C8orf74: variants seen among roughly 807,000 people sequenced by gnomAD.
C8orf74 encodes the protein uncharacterized protein C8orf74.
C8orf74 carries 29 observed loss-of-function variants against 22.2 expected under a neutral mutation model. The ratio of observed to expected loss-of-function variants is 1.31; its 90% CI spans 0.97 to 1.78. The LOEUF is 1.78. Ranked by LOEUF, C8orf74 falls within the 40% of genes most tolerant of loss-of-function variation. The pLI is 0.00. For synonymous variants in C8orf74, 255 were observed against 163.1 expected, an observed-to-expected ratio of 1.56 and a Z score of -4.30; for missense variants, 515 against 369.9, an observed-to-expected ratio of 1.39 and a Z score of -3.22.
At chr8:10,690,318 T>G (rs1799349013) in intron 2 of C8orf74, among the ~76,000 whole-genome samples, 1 of 152,102 alleles carries the variant, frequency 6.6e-6, no homozygotes, top group Non-Finnish European at 1.5e-5. Context: ...GGGTGCTCCC[T>G]AACTGAGGGG....
At chr8:10,679,252 T>A (rs1022481083) in intron 2 of C8orf74, among the ~76,000 whole-genome samples, 1 of 151,538 alleles carries the variant, frequency 6.6e-6, no homozygotes, top group African/African-American at 2.4e-5. Context: ...TGCACTGGAG[T>A]CGGCCTTTAT....
chr8:10,697,935 G>C lies in C8orf74; in HGVS notation c.578G>C (p.Arg193Pro), dbSNP rs753375359. Residue 193 changes from arginine (R) to proline (P), a missense_variant, in exon 3 of 4, where the codon CGG (arginine) becomes CCG (proline). Physicochemically the swap from Arg to Pro is moderately radical, Grantham distance 103. Coordinates refer to ENST00000304519, the MANE Select transcript of C8orf74 (RefSeq NM_001040032.2). ...CTGAAAGAGGCGCTGCGCCTGGAGC[G>C]GGAGAACTCGCTGCAGAAGGCGTTC... ...LLLKEALRLE[R>P]ENSLQKAFAA... 3.8e-6 allele frequency: 6 copies of C among 1,584,046 alleles called. No individual in the cohort carries two copies. Among genetic ancestry groups the C allele is most frequent in the African/African-American group, 1.3e-5 (1 of 74,618 alleles).
intron 2 of C8orf74, chr8:10,687,273 T>G (rs554577670): frequency 2.7e-6 from 1 of 367,768 alleles, no homozygotes; most frequent in African/African-American, 2.1e-5. Flanking sequence ...ATTTTACAGG[T>G]AAGAACACTG....
chr8:10,672,890 C>T (rs1443950733), intron 1 of C8orf74, among the ~76,000 whole-genome samples, 177 bp downstream of exon 1: 1 of 152,128 alleles, frequency 6.6e-6, no homozygotes, highest in Non-Finnish European at 1.5e-5. Context: ...GGCTTACCAG[C>T]CCCTGGACCT....
chr8:10,697,969 C>T lies in C8orf74; in HGVS notation c.612C>T (p.Ala204=). The T allele has an allele frequency of 4.6e-6, 7 of 1,523,100 alleles. No individual in the cohort carries two copies. The highest frequency in any genetic ancestry group is 6.2e-6 in the Non-Finnish European group (7 of 1,138,170). 94.3% of individuals were successfully genotyped at this position (1,523,100 alleles called of 1,614,324 possible). A position where few individuals can be genotyped will look rare whatever the true frequency, so the allele number is the denominator to read the frequency against. Residue 204 remains alanine (A), a synonymous_variant, in exon 3 of 4, where the codon GCC becomes GCT. Transcript: ENST00000304519. ...CGCTGCAGAAGGCGTTCGCTGCCGC[C>T]GCGCCTGCGCAGCCCGGCCAGGTCC... ...ENSLQKAFAA[A]APAQPGQVLE...
intron 2 of C8orf74, among the ~76,000 whole-genome samples, chr8:10,689,965 G>A (rs923400654): frequency 3.3e-5 from 5 of 152,140 alleles, no homozygotes; most frequent in Non-Finnish European, 7.3e-5. Flanking sequence ...GAGGCCAAAA[G>A]TTAGAATTCA....
At chr8:10,687,301 A>T (rs1799281406) in intron 2 of C8orf74, 1 of 338,358 alleles carries the variant, frequency 3.0e-6, no homozygotes, top group African/African-American at 2.2e-5. Context: ...TGTCTCTTAT[A>T]CCATGGAATC....
rs919543258 is a variant in C8orf74, at chr8:10,696,529, C to A, written c.242-1070C>A. On this transcript the variant is annotated intron_variant, in intron 2 of 3. Transcript: ENST00000304519. ...GTAGCTCGATCTCAGCTCACTGCAA[C>A]CTCCACCTCCTGGGTTCAAGCAATT... Among the ~76,000 whole-genome samples, 5 of 147,898 alleles carry A rather than the reference C, an allele frequency of 3.4e-5. No individual in the cohort carries two copies. In the South Asian group the frequency reaches 6.5e-4, roughly 19 times the overall value.
Position 10,672,722 on chromosome 8 carries a change from A to G in C8orf74, c.48+9A>G. ...AAGTCTTCCAACTTCAGGTGAAGGA[A>G]GAGAAAATGTGGCTTTTAAACAGAA... On this transcript the variant is annotated intron_variant, in intron 1 of 3. Transcript: ENST00000304519. 1 of 1,555,526 alleles carries G rather than the reference A, an allele frequency of 6.4e-7. No homozygotes were observed. Among genetic ancestry groups the G allele is most frequent in the East Asian group, 2.4e-5 (1 of 41,318 alleles).
intron 1 of C8orf74, among the ~76,000 whole-genome samples, chr8:10,674,136 C>A (rs1363211349): frequency 6.9e-6 from 1 of 144,772 alleles, no homozygotes; most frequent in African/African-American, 2.6e-5. Flanking sequence ...CATATCACAT[C>A]CCACAGACCA....
chr8:10,684,493 A>G (rs1408335765), intron 2 of C8orf74, among the ~76,000 whole-genome samples: 1 of 152,246 alleles, frequency 6.6e-6, no homozygotes, highest in Non-Finnish European at 1.5e-5. Context: ...GTGACCAAAA[A>G]AGATGTCTTT....
intron 2 of C8orf74, among the ~76,000 whole-genome samples, chr8:10,680,760 C>T (rs1799131706): frequency 1.3e-5 from 2 of 152,142 alleles, no homozygotes; most frequent in African/African-American, 4.8e-5. Context: ...TTGCTGTCCT[C>T]AGGAGGGGGC....
chr8:10,690,866 G>A (rs559605838), intron 2 of C8orf74: 7 of 454,998 alleles, frequency 1.5e-5, no homozygotes, highest in Admixed American at 2.4e-5. Context: ...GCATATCCTC[G>A]CAGGTGCTGG....
At chr8:10,693,235 C>T (rs1799421723) in intron 2 of C8orf74, among the ~76,000 whole-genome samples, 1 of 152,208 alleles carries the variant, frequency 6.6e-6, no homozygotes, top group Admixed American at 6.5e-5. Context: ...TTTGCACAAG[C>T]TGCTCCCCCT....
chr8:10,699,556 C>T (rs1799608662), intron 3 of C8orf74, among the ~76,000 whole-genome samples: 1 of 152,234 alleles, frequency 6.6e-6, no homozygotes, highest in African/African-American at 2.4e-5. Context: ...TAGAGAAACA[C>T]AGTTACGTGG....
At chr8:10,696,140 A>C (rs1434459501) in intron 2 of C8orf74, among the ~76,000 whole-genome samples, 1 of 151,816 alleles carries the variant, frequency 6.6e-6, no homozygotes, top group East Asian at 1.9e-4. Flanking sequence ...CCCTTCATGA[A>C]CCACCTCCTC....
rs561043048 is a variant in C8orf74, at chr8:10,697,979, C to T, written c.622C>T (p.Gln208Ter). 48 of 1,506,992 alleles carry T rather than the reference C, an allele frequency of 3.2e-5. No homozygotes were observed. The South Asian group carries it at 4.6e-4, about 15-fold the overall frequency. 93.4% of individuals were successfully genotyped at this position (1,506,992 alleles called of 1,614,324 possible). Reference protein sequence around the residue: ...QKAFAAAAPAQPGQVLERQEL... With the variant: ...QKAFAAAAPA ...GGCGTTCGCTGCCGCCGCGCCTGCG[C>T]AGCCCGGCCAGGTCCTGGAGAGACA... The change falls in exon 3 of 4, where the codon CAG (glutamine) becomes TAG (stop). Residue 208 changes from glutamine (Q) to a stop codon, truncating the protein, a stop_gained. Coordinates refer to ENST00000304519, the MANE Select transcript of C8orf74 (RefSeq NM_001040032.2). LOFTEE classifies it low-confidence loss of function (END_TRUNC).
intron 2 of C8orf74, chr8:10,691,366 T>G (rs1452773541): frequency 1.7e-5 from 3 of 173,638 alleles, no homozygotes. Flanking sequence ...CTGGGTTTTG[T>G]GTACGGCTGC....
At chr8:10,688,675 TCC>T (rs1416416943) in intron 2 of C8orf74, 2 of 152,314 alleles carry the variant, frequency 1.3e-5, no homozygotes, top group African/African-American at 2.4e-5. Context: ...GCCAGCGTGG[TCC>T]TCCTTTGGCC....
Sources: gnomAD v4.1 joint callset for allele counts (sites outside exome capture counted in the v4.1 genomes callset) on GRCh38, gnomAD v4.1.1 for gene constraint, MANE v1.5 for transcripts, NCBI Gene and HGNC (gene_info 2026-07-23, HGNC 2026-07-21) for gene names.